Variants in ELAPOR2 observed in about 807,000 individuals in gnomAD.
The protein encoded by ELAPOR2 is endosome-lysosome associated apoptosis and autophagy regulator family member 2.
In ELAPOR2, 89 loss-of-function variants were observed where a neutral mutation model predicts 120.7. That is an observed-to-expected ratio of 0.74 (90% CI 0.62 to 0.88). ELAPOR2 has a LOEUF of 0.88. Ranked by LOEUF, ELAPOR2 falls within the 40% of genes least tolerant of loss-of-function variation. The pLI is 0.00. For synonymous variants in ELAPOR2, 444 were observed against 444.9 expected (o/e 1.00, Z 0.03); for missense variants, 1,134 against 1,251.6 (o/e 0.91, Z 1.42).
chr7:86,904,579 T>C (rs1381628207), intron 18 of ELAPOR2, among the ~76,000 whole-genome samples: 1 of 152,224 alleles, frequency 6.6e-6, no homozygotes, highest in Non-Finnish European at 1.5e-5. Flanking sequence ...CCAGACACTT[T>C]ATGGAACTAG....
chr7:86,978,362 A>G (rs567154602), intron 1 of ELAPOR2, among the ~76,000 whole-genome samples: 1 of 152,218 alleles, frequency 6.6e-6, no homozygotes, highest in East Asian at 1.9e-4. Flanking sequence ...AGACTAATAC[A>G]CTTCCAGTAA....
intron 1 of ELAPOR2, among the ~76,000 whole-genome samples, chr7:87,037,981 T>C (rs539038808): frequency 2.1e-4 from 32 of 152,314 alleles, no homozygotes; most frequent in Admixed American, 5.2e-4. Context: ...TCACAGCACT[T>C]AACCCATCTG....
chr7:86,956,284 T>A (rs1468612230), intron 2 of ELAPOR2, among the ~76,000 whole-genome samples: 1 of 152,220 alleles, frequency 6.6e-6, no homozygotes, highest in African/African-American at 2.4e-5. Context: ...CCTGTTTTCA[T>A]CTTTCATTTT....
rs548302552 is a variant in ELAPOR2, at chr7:86,963,903, T to C, written c.310+1001A>G. 5.3e-5 allele frequency among the ~76,000 whole-genome samples: 8 copies of C among 152,322 alleles called. 1 individual carries two copies. The South Asian group carries it at 1.7e-3, about 32-fold the overall frequency. On this transcript the variant is annotated intron_variant, in intron 2 of 21. Coordinates refer to ENST00000450689, the MANE Select transcript of ELAPOR2 (RefSeq NM_001142749.3). ...ACTTGAGGGGCTCTCAGGTTCTCCCTGAATTCACTCATTAATATCATTCAC... is the reference window on the plus strand; with the variant it reads ...ACTTGAGGGGCTCTCAGGTTCTCCCCGAATTCACTCATTAATATCATTCAC...
rs534422060 is a variant in ELAPOR2 at position 86,906,353 on chromosome 7, G to A, written c.2558+1317C>T. ...TTTATTATTATTAGGTACTACTCTT[G>A]TTGCATCCATCTCTCACCTTGAACA... On this transcript the variant is annotated intron_variant, in intron 18 of 21. Coordinates refer to ENST00000450689, the MANE Select transcript of ELAPOR2 (RefSeq NM_001142749.3). Among the ~76,000 whole-genome samples, 32 of 152,196 alleles carry A rather than the reference G, an allele frequency of 2.1e-4. No individual in the cohort carries two copies. In the South Asian group the frequency reaches 6.4e-3, roughly 31 times the overall value.
chr7:87,059,346 G>A lies in ELAPOR2; in HGVS notation c.168C>T (p.Arg56=). Residue 56 remains arginine, a synonymous_variant, in exon 1 of 22, where the codon CGC becomes CGT. Coordinates refer to ENST00000450689, the MANE Select transcript of ELAPOR2 (RefSeq NM_001142749.3). ...WAGDLPSSSS[R]PLPPCQEKDY... ...TCACCTCCTGGCAAGGAGGAAGCGG[G>A]CGGCTGGAGGAGGAGGGCAGGTCCC... The A allele has an allele frequency of 8.0e-7, 1 of 1,248,234 alleles. No homozygotes were observed. Among genetic ancestry groups the A allele is most frequent in the Non-Finnish European group, 1.0e-6 (1 of 988,718 alleles). 77.3% of individuals were successfully genotyped at this position (1,248,234 alleles called of 1,614,324 possible). A position where few individuals can be genotyped will look rare whatever the true frequency, so the allele number is the denominator to read the frequency against.
In ELAPOR2 at chr7:87,056,706, A is replaced by G. The variant is rs547844585; in HGVS notation, c.189+2619T>C. Among the ~76,000 whole-genome samples, 3 of 152,302 alleles carry G rather than the reference A, an allele frequency of 2.0e-5. No individual in the cohort carries two copies. In the East Asian group the frequency reaches 5.8e-4, roughly 29 times the overall value. ...AAATCTAAATGTAACTTTTACCCAT[A>G]ACCTAGTTTTTGAAGGGCCTTTTTT... On this transcript the variant is annotated intron_variant, in intron 1 of 21. Coordinates refer to ENST00000450689, the MANE Select transcript of ELAPOR2 (RefSeq NM_001142749.3).
intron 1 of ELAPOR2, among the ~76,000 whole-genome samples, chr7:87,038,216 T>C (rs965891040): frequency 6.6e-6 from 1 of 152,226 alleles, no homozygotes; most frequent in Admixed American, 6.5e-5. Flanking sequence ...CCTTCATATA[T>C]TGTAATGATT....
intron 21 of ELAPOR2, among the ~76,000 whole-genome samples, chr7:86,887,043 G>T (rs1400098819): frequency 6.6e-6 from 1 of 152,106 alleles, no homozygotes; most frequent in Non-Finnish European, 1.5e-5. Flanking sequence ...CTGACTTACT[G>T]ACTCAAGCTA....
At chr7:87,027,089 T>C (rs1397325191) in intron 1 of ELAPOR2, among the ~76,000 whole-genome samples, 1 of 152,138 alleles carries the variant, frequency 6.6e-6, no homozygotes, top group East Asian at 1.9e-4. Flanking sequence ...TATTTAGAAC[T>C]AGGCTGTGCT....
intron 3 of ELAPOR2, 30 bp from the exon 4 acceptor site, chr7:86,945,076 C>T: frequency 6.5e-7 from 1 of 1,540,764 alleles, no homozygotes; most frequent in Non-Finnish European, 8.8e-7. Context: ...AAGCACTTTA[C>T]ATTAATGTTC....
At chr7:87,024,392 C>A (rs2116710329) in intron 1 of ELAPOR2, among the ~76,000 whole-genome samples, 1 of 152,244 alleles carries the variant, frequency 6.6e-6, no homozygotes, top group African/African-American at 2.4e-5. Flanking sequence ...ATTGAACCAG[C>A]CTTGCATCCC....
intron 1 of ELAPOR2, among the ~76,000 whole-genome samples, chr7:87,008,225 G>A (rs979818998): frequency 3.9e-5 from 6 of 152,050 alleles, no homozygotes; most frequent in East Asian, 1.9e-4. Flanking sequence ...CAATCTAATC[G>A]TGAAGAAACA....
At position 86,891,790 on chromosome 7, in the gene ELAPOR2, A is replaced by G; in HGVS notation, c.2964T>C (p.Asn988=). Reference sequence around the variant, plus strand: ...TATTGGAATATACAACTTCCTCTTCATTATCTTCTCCTTCCATGATAGCAC... The same window carrying G: ...TATTGGAATATACAACTTCCTCTTCGTTATCTTCTCCTTCCATGATAGCAC... The part of the protein sequence containing the change: ...DSCAIMEGED[N]EEEVVYSNKQ... Residue 988 remains asparagine, a synonymous_variant, in exon 21 of 22, where the codon AAT becomes AAC. Transcript: ENST00000450689. 6.2e-7 allele frequency: 1 copy of G among 1,612,380 alleles called. No homozygotes were observed. Among genetic ancestry groups the G allele is most frequent in the Non-Finnish European group, 8.5e-7 (1 of 1,178,924 alleles).
At chr7:87,049,191 A>C (rs1183200510) in intron 1 of ELAPOR2, among the ~76,000 whole-genome samples, 2 of 152,364 alleles carry the variant, frequency 1.3e-5, no homozygotes, top group East Asian at 1.9e-4. Context: ...TAAATAATTA[A>C]AATATACATT....
chr7:86,994,775 T>C (rs1767692), intron 1 of ELAPOR2, among the ~76,000 whole-genome samples: 57,451 of 151,734 alleles, frequency 0.38, 11,722 homozygotes, highest in African/African-American at 0.53. Flanking sequence ...TAGACACATA[T>C]AGGAGTAATT....
chr7:86,990,962 G>A (rs939679486), intron 1 of ELAPOR2, among the ~76,000 whole-genome samples: 1 of 152,126 alleles, frequency 6.6e-6, no homozygotes, highest in Non-Finnish European at 1.5e-5. Context: ...GGAAACTGGG[G>A]TTGTTCCTTT....
chr7:86,969,590 T>G (rs1036905431), intron 1 of ELAPOR2, among the ~76,000 whole-genome samples: 19 of 152,222 alleles, frequency 1.2e-4, no homozygotes, highest in Admixed American at 1.2e-3. Flanking sequence ...CTGTACTCAA[T>G]AAGCTTATGA....
intron 1 of ELAPOR2, among the ~76,000 whole-genome samples, chr7:86,997,450 C>T (rs1793163100): frequency 6.6e-6 from 1 of 152,054 alleles, no homozygotes; most frequent in African/African-American, 2.4e-5. Context: ...CCTAAAGAGC[C>T]CCAGGAACAA....
Sources: gnomAD v4.1 joint callset for allele counts (sites outside exome capture counted in the v4.1 genomes callset) on GRCh38, gnomAD v4.1.1 for gene constraint, MANE v1.5 for transcripts, NCBI Gene and HGNC (gene_info 2026-07-23, HGNC 2026-07-21) for gene names.